The following KCNQ5 variants were observed in gnomAD, a reference collection of about 807,000 sequenced individuals.
The protein encoded by KCNQ5 is potassium voltage-gated channel subfamily KQT member 5.
KCNQ5 carries 30 observed loss-of-function variants against 98.2 expected under a neutral mutation model. That is an observed-to-expected ratio of 0.31 (90% CI 0.23 to 0.41). The LOEUF (loss-of-function observed/expected upper bound fraction) is 0.41, where lower values mean the gene tolerates loss of function less well. Among genes scored for constraint, KCNQ5 ranks in the 10% least tolerant of loss-of-function variants. KCNQ5 has a pLI of 1.00. For synonymous variants in KCNQ5, 458 were observed against 449.4 expected, an observed-to-expected ratio of 1.02 and a Z score of -0.24; for missense variants, 835 against 1,182.5, an observed-to-expected ratio of 0.71 and a Z score of 4.31.
intron 11 of KCNQ5, among the ~76,000 whole-genome samples, chr6:73,172,507 C>T (rs959141367): frequency 6.6e-6 from 1 of 152,078 alleles, no homozygotes; most frequent in Non-Finnish European, 1.5e-5. Context: ...AATTTAAAAA[C>T]CAACTAATAC....
intron 1 of KCNQ5, among the ~76,000 whole-genome samples, chr6:72,941,039 C>T (rs1339236413): frequency 1.3e-5 from 2 of 152,086 alleles, no homozygotes; most frequent in Non-Finnish European, 2.9e-5. Flanking sequence ...TCTTATTAAA[C>T]AAAGATTCAG....
intron 1 of KCNQ5, among the ~76,000 whole-genome samples, chr6:72,731,836 C>G (rs1770570953): frequency 6.6e-6 from 1 of 152,086 alleles, no homozygotes; most frequent in Non-Finnish European, 1.5e-5. Flanking sequence ...AGGAACAAAC[C>G]TTCAAAAAAT....
intron 1 of KCNQ5, among the ~76,000 whole-genome samples, chr6:73,000,322 C>T (rs1769504180): frequency 6.6e-6 from 1 of 152,152 alleles, no homozygotes; most frequent in Admixed American, 6.5e-5. Context: ...TAATTCAGAG[C>T]AGAATGTGTT....
intron 9 of KCNQ5, among the ~76,000 whole-genome samples, chr6:73,127,253 T>G (rs1176717664): frequency 2.6e-5 from 4 of 152,136 alleles, no homozygotes; most frequent in Non-Finnish European, 5.9e-5. Flanking sequence ...TTGACCCCAT[T>G]TCAAAGGAAC....
intron 1 of KCNQ5, among the ~76,000 whole-genome samples, chr6:72,994,298 T>C (rs767335990): frequency 5.3e-3 from 232 of 43,684 alleles, no homozygotes; most frequent in Middle Eastern, 0.03. Context: ...ACTGCTGTGC[T>C]AGCAATCAGC....
chr6:72,920,095 A>C (rs1395549057), intron 1 of KCNQ5, among the ~76,000 whole-genome samples: 1 of 152,078 alleles, frequency 6.6e-6, no homozygotes, highest in Non-Finnish European at 1.5e-5. Context: ...TGAGGTCGGG[A>C]GTTTGAGACC....
intron 1 of KCNQ5, among the ~76,000 whole-genome samples, chr6:72,970,632 A>G (rs1254044144): frequency 1.3e-5 from 2 of 152,194 alleles, no homozygotes; most frequent in African/African-American, 4.8e-5. Flanking sequence ...ACAGCATGGT[A>G]CTGGTACCAA....
rs1024267642 is a variant in KCNQ5 at position 72,929,835 on chromosome 6, C to T, written c.399-74073C>T. On this transcript the variant is annotated intron_variant, in intron 1 of 13. Coordinates refer to ENST00000370398, the MANE Select transcript of KCNQ5 (RefSeq NM_019842.4). ...AATTAATAAAGAATATCAAAAAGCCCATTAGGTAGATATTTGTTAATATTA... is the reference window on the plus strand; with the variant it reads ...AATTAATAAAGAATATCAAAAAGCCTATTAGGTAGATATTTGTTAATATTA... 6.6e-5 allele frequency among the ~76,000 whole-genome samples: 10 copies of T among 152,110 alleles called. No individual in the cohort carries two copies. In the East Asian group the frequency reaches 1.9e-3, roughly 29 times the overall value.
intron 1 of KCNQ5, among the ~76,000 whole-genome samples, chr6:72,835,678 A>T (rs1399891511): frequency 6.6e-6 from 1 of 152,176 alleles, no homozygotes; most frequent in East Asian, 1.9e-4. Context: ...AGTAGGTTTT[A>T]TAATTATACA....
chr6:73,192,122 TCTC>T (rs1765610526), intron 12 of KCNQ5, among the ~76,000 whole-genome samples: 1 of 152,202 alleles, frequency 6.6e-6, no homozygotes, highest in East Asian at 1.9e-4. Flanking sequence ...TCATGTATCT[TCTC>T]CAACTTGAAC....
chr6:72,783,825 T>A lies in KCNQ5; in HGVS notation c.398+161238T>A, dbSNP rs1362693657. Among the ~76,000 whole-genome samples, 4 of 152,190 alleles carry A rather than the reference T, an allele frequency of 2.6e-5. No individual in the cohort carries two copies. In the South Asian group the frequency reaches 8.3e-4, roughly 31 times the overall value. On this transcript the variant is annotated intron_variant, in intron 1 of 13. Coordinates refer to ENST00000370398, the MANE Select transcript of KCNQ5 (RefSeq NM_019842.4). Reference sequence around the variant, plus strand: ...CTGTAGTCTGGGCATCTTTTCAACTTTCCTTTGTTGACTTGGCTGTTTTTG... The same window carrying A: ...CTGTAGTCTGGGCATCTTTTCAACTATCCTTTGTTGACTTGGCTGTTTTTG...
chr6:73,018,767 C>T (rs1430496389), intron 2 of KCNQ5, among the ~76,000 whole-genome samples: 1 of 152,164 alleles, frequency 6.6e-6, no homozygotes, highest in Non-Finnish European at 1.5e-5. Context: ...GTTACCTCAT[C>T]CACAATTTAT....
rs138150509 is a variant in KCNQ5 at position 72,983,186 on chromosome 6, T to A, written c.399-20722T>A. On this transcript the variant is annotated intron_variant, in intron 1 of 13. Transcript: ENST00000370398. ...TTCTCAAGGAATATCTTTGTGGTGT[T>A]CTCTGTATTTCCTGAGTTTGAATGT... Among the ~76,000 whole-genome samples the A allele has an allele frequency of 4.9e-4, 75 of 152,338 alleles. 1 individual carries two copies. Among genetic ancestry groups the A allele is most frequent in the Admixed American group, 1.8e-3 (28 of 15,312 alleles).
intron 10 of KCNQ5, among the ~76,000 whole-genome samples, chr6:73,159,062 A>G (rs1216277280): frequency 1.3e-5 from 2 of 152,244 alleles, no homozygotes; most frequent in Admixed American, 6.5e-5. Context: ...AAATTGTAAG[A>G]TTGCTGATTA....
At chr6:72,629,826 T>G (rs981870234) in intron 1 of KCNQ5, among the ~76,000 whole-genome samples, 1 of 152,204 alleles carries the variant, frequency 6.6e-6, no homozygotes, top group Admixed American at 6.5e-5. Context: ...TGAAGTTTTA[T>G]TTGGTTGCAA....
chr6:72,928,210 CTTAAT>C (rs1309726625), intron 1 of KCNQ5, among the ~76,000 whole-genome samples: 1 of 152,018 alleles, frequency 6.6e-6, no homozygotes, highest in South Asian at 2.1e-4. Context: ...TTCTGTTACT[CTTAAT>C]TTAACTGGCT....
intron 2 of KCNQ5, among the ~76,000 whole-genome samples, chr6:73,013,918 C>A (rs1404704419): frequency 6.6e-6 from 1 of 152,120 alleles, no homozygotes; most frequent in Non-Finnish European, 1.5e-5. Flanking sequence ...TATATCAATT[C>A]AGACCACTAG....
At chr6:73,041,311 G>A (rs1243810454) in intron 2 of KCNQ5, among the ~76,000 whole-genome samples, 1 of 152,128 alleles carries the variant, frequency 6.6e-6, no homozygotes, top group African/African-American at 2.4e-5. Flanking sequence ...TTGCCAAAGG[G>A]CAGCATAATA....
chr6:72,861,037 A>G (rs550997050), intron 1 of KCNQ5, among the ~76,000 whole-genome samples: 23 of 152,158 alleles, frequency 1.5e-4, no homozygotes, highest in Admixed American at 3.3e-4. Flanking sequence ...TAGGGTTGAG[A>G]GCTCATATTT....
Sources: allele counts gnomAD v4.1 joint callset (sites outside exome capture counted in the v4.1 genomes callset), GRCh38; gene constraint gnomAD v4.1.1; transcripts MANE v1.5; gene names NCBI Gene and HGNC (gene_info 2026-07-23, HGNC 2026-07-21).